Variants in CFAP221 observed in about 807,000 individuals in gnomAD.
CFAP221 encodes the protein cilia and flagella associated protein 221.
A neutral mutation model predicts 113.1 loss-of-function variants in CFAP221; 97 were observed. The observed-to-expected ratio is 0.86, with a 90% CI of 0.73 to 1.02. CFAP221 has a LOEUF of 1.02. Among genes scored for constraint, CFAP221 ranks in the 50% least tolerant of loss-of-function variants. The pLI is 0.00. For synonymous variants in CFAP221, 331 were observed against 354.4 expected, an observed-to-expected ratio of 0.93 and a Z score of 0.74; for missense variants, 1,025 against 1,013.4, an observed-to-expected ratio of 1.01 and a Z score of -0.16.
intron 6 of CFAP221, 65 bp from the exon 7 acceptor site, chr2:119,587,054 G>A: frequency 8.1e-7 from 1 of 1,230,688 alleles, no homozygotes; most frequent in South Asian, 1.6e-5. Context: ...TCCATTCCTT[G>A]CTACCAAAAG....
At chr2:119,621,140 G>T (rs568003785) in intron 14 of CFAP221, among the ~76,000 whole-genome samples, 72 of 151,688 alleles carry the variant, frequency 4.7e-4, no homozygotes, top group African/African-American at 1.6e-3. Flanking sequence ...CAAGAAAATC[G>T]CTTGAACCCG....
intron 7 of CFAP221, among the ~76,000 whole-genome samples, chr2:119,595,527 G>C (rs1477839506): frequency 6.6e-6 from 1 of 152,072 alleles, no homozygotes; most frequent in Non-Finnish European, 1.5e-5. Flanking sequence ...TCTGCGCTTG[G>C]TTTCTGCCGG....
chr2:119,609,766 G>A (rs892103285), intron 12 of CFAP221, among the ~76,000 whole-genome samples: 2 of 152,180 alleles, frequency 1.3e-5, no homozygotes, highest in Non-Finnish European at 2.9e-5. Context: ...TGAGGTTCAG[G>A]TAGACTGACT....
intron 3 of CFAP221, among the ~76,000 whole-genome samples, chr2:119,555,866 A>G (rs1188883817): frequency 6.6e-6 from 1 of 152,196 alleles, no homozygotes; most frequent in Non-Finnish European, 1.5e-5. Flanking sequence ...AAGAACATGG[A>G]TGATTATGGG....
At chr2:119,588,266 C>T (rs369702480) in intron 7 of CFAP221, among the ~76,000 whole-genome samples, 1 of 152,058 alleles carries the variant, frequency 6.6e-6, no homozygotes, top group Non-Finnish European at 1.5e-5. Flanking sequence ...TGATGGGAGC[C>T]GTTTTAGACA....
At chr2:119,566,947 A>T (rs1681689050) in intron 6 of CFAP221, among the ~76,000 whole-genome samples, 1 of 152,174 alleles carries the variant, frequency 6.6e-6, no homozygotes, top group Non-Finnish European at 1.5e-5. Flanking sequence ...TCTTACCATA[A>T]TAGGGCCTGG....
At chr2:119,652,665 A>C (rs1018653743) in intron 23 of CFAP221, among the ~76,000 whole-genome samples, 2 of 152,210 alleles carry the variant, frequency 1.3e-5, no homozygotes, top group African/African-American at 4.8e-5. Flanking sequence ...ACACAGTAAT[A>C]AACATATAAA....
chr2:119,598,720 C>T (rs1009940488), intron 7 of CFAP221, among the ~76,000 whole-genome samples: 1 of 152,338 alleles, frequency 6.6e-6, no homozygotes, highest in African/African-American at 2.4e-5. Flanking sequence ...TAACATTTGA[C>T]GATCTGCTGC....
chr2:119,630,444 G>A (rs1324739706), intron 17 of CFAP221, 126 bp from the exon 18 acceptor site: 6 of 692,868 alleles, frequency 8.7e-6, no homozygotes, highest in Non-Finnish European at 1.5e-5. Context: ...GCCACAATCC[G>A]ATGACTACAA....
At chr2:119,615,757 A>C in intron 14 of CFAP221, 48 bp downstream of exon 14, 1 of 1,432,722 alleles carries the variant, frequency 7.0e-7, no homozygotes, top group Non-Finnish European at 9.7e-7. Context: ...ACTCATCAGC[A>C]TAAGGAAATC....
chr2:119,624,397 T>C (rs1445932137), intron 14 of CFAP221, among the ~76,000 whole-genome samples: 1 of 152,136 alleles, frequency 6.6e-6, no homozygotes. Flanking sequence ...TGTGGAGAAA[T>C]AGGAAAGCTT....
At chr2:119,643,795 T>G (rs912381473) in intron 21 of CFAP221, among the ~76,000 whole-genome samples, 2 of 151,954 alleles carry the variant, frequency 1.3e-5, no homozygotes, top group African/African-American at 4.8e-5. Context: ...TCCGCCCACC[T>G]CAGCCTCCCA....
rs1681126482 is a variant in CFAP221, at chr2:119,560,055, T to TTC, written c.426+30_426+31insCT. 5 of 1,444,660 alleles carry TTC rather than the reference T, an allele frequency of 3.5e-6. No homozygotes were observed. The East Asian group carries it at 1.2e-4, about 36-fold the overall frequency. The allele number at this position is 1,444,660 out of a possible 1,614,324, so 89.5% of individuals were successfully genotyped here. ...GGTCTCTTAAAATTGCTTTTTTTTT[T>TTC]TTTTTTTTTTGATGGTGGGTTAAAA... On this transcript the variant is annotated intron_variant, in intron 5 of 23. Transcript: ENST00000413369.
At chr2:119,643,784 A>G (rs576343369) in intron 21 of CFAP221, among the ~76,000 whole-genome samples, 104 of 151,988 alleles carry the variant, frequency 6.8e-4, no homozygotes, top group African/African-American at 2.3e-3. Context: ...ACCTCAAGCA[A>G]TCCGCCCACC....
chr2:119,659,095 T>C (rs963118433), downstream of CFAP221, among the ~76,000 whole-genome samples: 41 of 152,176 alleles, frequency 2.7e-4, no homozygotes, highest in Admixed American at 2.7e-3. Context: ...TTTCCTTAAT[T>C]GTAACTTCTT....
At chr2:119,604,618 G>A (rs1320137795) in intron 8 of CFAP221, 54 bp from the exon 9 acceptor site, 2 of 1,452,152 alleles carry the variant, frequency 1.4e-6, no homozygotes, top group Non-Finnish European at 1.8e-6. Context: ...TAAAACATTA[G>A]GAACCTTGAG....
At chr2:119,615,039 A>T (rs1186668194) in intron 13 of CFAP221, among the ~76,000 whole-genome samples, 3 of 152,336 alleles carry the variant, frequency 2.0e-5, no homozygotes, top group Middle Eastern at 3.4e-3. Flanking sequence ...AGCCAAAGTA[A>T]GACTGATTCC....
chr2:119,581,635 G>C (rs574948875), intron 6 of CFAP221, among the ~76,000 whole-genome samples: 1 of 152,226 alleles, frequency 6.6e-6, no homozygotes, highest in Non-Finnish European at 1.5e-5. Context: ...TCTGTCAGGA[G>C]AGAGTGGAGG....
intron 20 of CFAP221, 57 bp from the exon 21 acceptor site, chr2:119,639,724 C>T: frequency 7.2e-7 from 1 of 1,379,976 alleles, no homozygotes; most frequent in Admixed American, 1.7e-5. Flanking sequence ...AACAAAAGTC[C>T]TTCAGAAACT....
Sources: gnomAD v4.1 joint callset for allele counts (sites outside exome capture counted in the v4.1 genomes callset) on GRCh38, gnomAD v4.1.1 for gene constraint, MANE v1.5 for transcripts, NCBI Gene and HGNC (gene_info 2026-07-23, HGNC 2026-07-21) for gene names.